HADHA: variants seen among roughly 807,000 people sequenced by gnomAD.
HADHA encodes the protein trifunctional enzyme subunit alpha, mitochondrial.
HADHA carries 59 observed loss-of-function variants against 91.3 expected under a neutral mutation model. The observed-to-expected ratio is 0.65, with a 90% confidence interval of 0.52 to 0.80. HADHA has a LOEUF of 0.80. Ranked by LOEUF, HADHA falls within the 30% of genes least tolerant of loss-of-function variation. The pLI is 0.00. For synonymous variants in HADHA, 320 were observed against 338.9 expected (o/e 0.94, Z 0.61); for missense variants, 800 against 927.6 (o/e 0.86, Z 1.79).
intron 7 of HADHA, among the ~76,000 whole-genome samples, chr2:26,220,828 C>A (rs1670356774): frequency 6.6e-6 from 1 of 152,190 alleles, no homozygotes. Context: ...TGTCCTTCCA[C>A]AAGATATCAT....
intron 12 of HADHA, among the ~76,000 whole-genome samples, chr2:26,202,007 GC>G (rs1669858320): frequency 6.7e-6 from 1 of 150,230 alleles, no homozygotes. Context: ...CACCATCTTG[GC>G]CAGGCTGGTC....
intron 17 of HADHA, 78 bp from the exon 18 acceptor site, chr2:26,192,502 C>T: frequency 1.2e-6 from 1 of 861,818 alleles, no homozygotes; most frequent in East Asian, 2.4e-5. Context: ...AGAACCCTGG[C>T]CTGGCCAGGC....
intron 13 of HADHA, 148 bp from the exon 14 acceptor site, chr2:26,197,925 C>A: frequency 1.4e-6 from 1 of 706,138 alleles, no homozygotes; most frequent in Non-Finnish European, 2.6e-6. Context: ...CAGACATTGA[C>A]GGATCACCTA....
At chr2:26,239,973 C>T (rs941017350) in intron 1 of HADHA, among the ~76,000 whole-genome samples, 1 of 152,198 alleles carries the variant, frequency 6.6e-6, no homozygotes, top group Non-Finnish European at 1.5e-5. Flanking sequence ...CTCTACTTGA[C>T]TAATAGTATG....
intron 11 of HADHA, among the ~76,000 whole-genome samples, chr2:26,204,780 A>G (rs1055338652): frequency 6.6e-6 from 1 of 152,122 alleles, no homozygotes; most frequent in African/African-American, 2.4e-5. Context: ...ATAGGGTCTC[A>G]CTATGATGCC....
intron 7 of HADHA, among the ~76,000 whole-genome samples, chr2:26,226,033 T>C (rs1466065023): frequency 6.6e-6 from 1 of 152,164 alleles, no homozygotes; most frequent in Non-Finnish European, 1.5e-5. Context: ...TCCAAAAATC[T>C]TTGTATTTCT....
In HADHA at chr2:26,206,481, G is replaced by A. The variant is rs1041117056; in HGVS notation, c.1086-2285C>T. On this transcript the variant is annotated intron_variant, in intron 11 of 19. Transcript: ENST00000380649. The stretch of plus-strand genomic sequence containing the variant: ...TGACCTCAGGTGATCCACGCACCTC[G>A]GAATCCCAAAGTGCTGGGATTACAG... 4.6e-5 allele frequency among the ~76,000 whole-genome samples: 7 copies of A among 152,042 alleles called. No homozygotes were observed. In the South Asian group the frequency reaches 6.2e-4, roughly 14 times the overall value.
intron 5 of HADHA, among the ~76,000 whole-genome samples, 172 bp downstream of exon 5, chr2:26,234,045 C>T (rs1670688049): frequency 6.6e-6 from 1 of 152,186 alleles, no homozygotes; most frequent in African/African-American, 2.4e-5. Flanking sequence ...CGTGCCATTG[C>T]TCTCCAGCCT....
intron 1 of HADHA, among the ~76,000 whole-genome samples, chr2:26,239,543 T>G (rs531309960): frequency 6.6e-6 from 1 of 152,042 alleles, no homozygotes; most frequent in Non-Finnish European, 1.5e-5. Flanking sequence ...AAGAGGCACA[T>G]GGGAACTACT....
chr2:26,232,485 T>A (rs1362660369), intron 5 of HADHA, among the ~76,000 whole-genome samples: 1 of 152,190 alleles, frequency 6.6e-6, no homozygotes, highest in Non-Finnish European at 1.5e-5. Flanking sequence ...AACCTCTTTT[T>A]GGGCCGTAGA....
At chr2:26,200,120 C>T (rs1165289401) in intron 13 of HADHA, among the ~76,000 whole-genome samples, 1 of 152,122 alleles carries the variant, frequency 6.6e-6, no homozygotes, top group African/African-American at 2.4e-5. Flanking sequence ...GCTCTATGGG[C>T]AATAAGAGAA....
Position 26,244,626 on chromosome 2 carries a change from C to CA in HADHA, c.-31_-30insT. ...AGCTGAAGAGGACAGCAGTGGAGAG[C>CA]GCCTCTAACGGGTGCGGCCGAGCGG... On this transcript the variant is annotated 5_prime_UTR_variant, in exon 1 of 20. Transcript: ENST00000380649. 6.4e-7 allele frequency: 1 copy of CA among 1,560,926 alleles called. No homozygotes were observed. Among genetic ancestry groups the CA allele is most frequent in the Non-Finnish European group, 8.7e-7 (1 of 1,151,988 alleles).
chr2:26,224,513 A>C lies in HADHA; in HGVS notation c.676+5679T>G, dbSNP rs182582996. 2.2e-4 allele frequency among the ~76,000 whole-genome samples: 33 copies of C among 152,378 alleles called. No individual in the cohort carries two copies. In the East Asian group the frequency reaches 6.4e-3, roughly 29 times the overall value. ...TGTGTTTCTTCTCTATCTCCTTATC[A>C]TCTAATATAAGATGTATCCATAATG... On this transcript the variant is annotated intron_variant, in intron 7 of 19. Coordinates refer to ENST00000380649, the MANE Select transcript of HADHA (RefSeq NM_000182.5).
At chr2:26,199,809 A>G (rs755529505) in intron 13 of HADHA, among the ~76,000 whole-genome samples, 2 of 152,134 alleles carry the variant, frequency 1.3e-5, no homozygotes, top group Non-Finnish European at 2.9e-5. Context: ...CCACGCTACA[A>G]AGAAGTTGTG....
chr2:26,225,255 C>T (rs1670459338), intron 7 of HADHA, among the ~76,000 whole-genome samples: 1 of 152,012 alleles, frequency 6.6e-6, no homozygotes, highest in African/African-American at 2.4e-5. Context: ...GAGGCTGAGG[C>T]AGGTAGGTGG....
chr2:26,234,832 G>C (rs763526934), intron 4 of HADHA, among the ~76,000 whole-genome samples: 3 of 151,624 alleles, frequency 2.0e-5, no homozygotes, highest in Non-Finnish European at 4.4e-5. Flanking sequence ...TTTTACTTCT[G>C]TAATAAATCA....
At chr2:26,230,920 A>AAAAAT (rs1670607206) in intron 6 of HADHA, among the ~76,000 whole-genome samples, 1 of 152,106 alleles carries the variant, frequency 6.6e-6, no homozygotes, top group Non-Finnish European at 1.5e-5. Flanking sequence ...ACTCTGTCCC[A>AAAAAT]AAAATAAAAT....
chr2:26,238,812 T>C lies in HADHA; in HGVS notation c.180+122A>G, dbSNP rs1670821643. 4 of 763,562 alleles carry C rather than the reference T, an allele frequency of 5.2e-6. No homozygotes were observed. The South Asian group carries it at 5.8e-5, about 11-fold the overall frequency. 47.3% of individuals were successfully genotyped at this position (763,562 alleles called of 1,614,324 possible). A position where few individuals can be genotyped will look rare whatever the true frequency, so the allele number is the denominator to read the frequency against. On this transcript the variant is annotated intron_variant, in intron 3 of 19. Transcript: ENST00000380649. ...AAGTTTAACATAACTGTCAAAACTGTAAATTCATGTAAGATTACTGCCAGA... is the reference window on the plus strand; with the variant it reads ...AAGTTTAACATAACTGTCAAAACTGCAAATTCATGTAAGATTACTGCCAGA...
At chr2:26,241,481 A>C (rs1251400152) in intron 1 of HADHA, among the ~76,000 whole-genome samples, 4 of 151,236 alleles carry the variant, frequency 2.6e-5, no homozygotes, top group African/African-American at 7.3e-5. Flanking sequence ...CAACAACAAA[A>C]AAAAAAAAAC....
Sources: allele counts gnomAD v4.1 joint callset (sites outside exome capture counted in the v4.1 genomes callset), GRCh38; gene constraint gnomAD v4.1.1; transcripts MANE v1.5; gene names NCBI Gene and HGNC (gene_info 2026-07-23, HGNC 2026-07-21).